ECH1: variants seen among roughly 807,000 people sequenced by gnomAD.
ECH1 encodes delta(3,5)-Delta(2,4)-dienoyl-CoA isomerase, mitochondrial.
A neutral mutation model predicts 37.0 loss-of-function variants in ECH1; 30 were observed. The observed-to-expected ratio is 0.81, with a 90% CI of 0.61 to 1.10. The LOEUF (loss-of-function observed/expected upper bound fraction) is 1.10. Ranked by LOEUF, ECH1 falls within the 50% of genes least tolerant of loss-of-function variation. The pLI, the probability that ECH1 is intolerant of heterozygous loss-of-function variation, is 0.00. For synonymous variants in ECH1, 178 were observed against 176.0 expected (o/e 1.01, Z -0.09); for missense variants, 456 against 441.6 (o/e 1.03, Z -0.29).
At chr19:38,816,844 G>A in intron 6 of ECH1, 2 of 645,188 alleles carry the variant, frequency 3.1e-6, no homozygotes, top group African/African-American at 1.8e-5. Context: ...ACCCTCACCA[G>A]TATGGCCCCA....
At chr19:38,828,707 C>T (rs942245956) in intron 3 of ECH1, among the ~76,000 whole-genome samples, 8 of 152,172 alleles carry the variant, frequency 5.3e-5, no homozygotes, top group South Asian at 2.1e-4. Context: ...CCTCTGCCTC[C>T]CAGGTTCACG....
At chr19:38,820,338 G>A (rs1170510257) in intron 3 of ECH1, 1 of 152,154 alleles carries the variant, frequency 6.6e-6, no homozygotes, top group Non-Finnish European at 1.5e-5. Flanking sequence ...GGGATTACAG[G>A]TGTGAGCCAC....
chr19:38,827,954 T>C (rs1205373779), intron 3 of ECH1, among the ~76,000 whole-genome samples: 3 of 152,148 alleles, frequency 2.0e-5, no homozygotes, highest in Non-Finnish European at 4.4e-5. Context: ...TTCACGCTTG[T>C]AGTCCCAGCA....
At chr19:38,819,849 G>A (rs1053256963) in intron 3 of ECH1, among the ~76,000 whole-genome samples, 14 of 151,962 alleles carry the variant, frequency 9.2e-5, no homozygotes, top group Admixed American at 4.6e-4. Flanking sequence ...CACTTTCGGA[G>A]GCTGAGGTGG....
Position 38,831,356 on chromosome 19 carries a change from C to T in ECH1, c.213G>A (p.Gln71=), listed in dbSNP as rs775929597. Residue 71 remains glutamine, a synonymous_variant, in exon 2 of 10, where the codon CAG becomes CAA. Coordinates refer to ENST00000221418, the MANE Select transcript of ECH1 (RefSeq NM_001398.3). ...CATTCCTCTTGTTGGGCCGGTTGAG[C>T]TGGACATGCAGAACATGTTTCTGCG... is the stretch of plus-strand genomic sequence containing the variant. ...TSAQKHVLHV[Q]LNRPNKRNAM... is the part of the protein sequence containing the mutation. 5 of 1,613,564 alleles carry T rather than the reference C, an allele frequency of 3.1e-6. No homozygotes were observed. The highest frequency in any genetic ancestry group is 1.3e-5 in the African/African-American group (1 of 74,908).
chr19:38,820,053 C>CA, intron 3 of ECH1: 6 of 138,068 alleles, frequency 4.3e-5, no homozygotes, highest in South Asian at 3.7e-4. Context: ...GTCCCCCTTA[C>CA]TTTTTTTTTT....
At chr19:38,823,146 ACT>A (rs1971689697) in intron 3 of ECH1, 1 of 154,410 alleles carries the variant, frequency 6.5e-6, no homozygotes, top group Admixed American at 6.5e-5. Context: ...GAAGGAAGAA[ACT>A]CTGAACACAC....
At chr19:38,818,211 T>C in intron 3 of ECH1, 1 of 985,228 alleles carries the variant, frequency 1.0e-6, no homozygotes, top group African/African-American at 1.7e-5. Flanking sequence ...AGGCCATGCT[T>C]TTCCCCAAGA....
chr19:38,817,687 GA>G lies in ECH1; in HGVS notation c.350-113del, dbSNP rs1971600958. On this transcript the variant is annotated intron_variant, in intron 3 of 9. Coordinates refer to ENST00000221418, the MANE Select transcript of ECH1 (RefSeq NM_001398.3). The stretch of plus-strand genomic sequence containing the variant: ...TTCGAACCCCCAAACCACCAAGGCG[GA>G]AAAAAAACAACTCACACAGGACTTG... The G allele has an allele frequency of 9.1e-6, 13 of 1,421,304 alleles. No homozygotes were observed. In the Admixed American group the frequency reaches 1.8e-4, roughly 19 times the overall value. The allele number at this position is 1,421,304 out of a possible 1,614,324, so 88.0% of individuals were successfully genotyped here. A position where few individuals can be genotyped will look rare whatever the true frequency, so the allele number is the denominator to read the frequency against.
intron 3 of ECH1, chr19:38,820,095 C>T: frequency 1.9e-6 from 1 of 534,610 alleles, no homozygotes; most frequent in Non-Finnish European, 2.3e-6. Flanking sequence ...TAGTCTCACT[C>T]TATCGCCCAG....
chr19:38,816,138 G>A, intron 8 of ECH1, 131 bp from the exon 9 acceptor site: 1 of 1,474,528 alleles, frequency 6.8e-7, no homozygotes, highest in Middle Eastern at 2.5e-4. Flanking sequence ...CAGAGCAGGG[G>A]GCTGACCCCA....
At chr19:38,818,932 T>TGTGCGCGCGC (rs144733422) in intron 3 of ECH1, among the ~76,000 whole-genome samples, 1 of 142,752 alleles carries the variant, frequency 7.0e-6, no homozygotes. Context: ...TGTGTGTGTG[T>TGTGCGCGCGC]GCACTGTTCC....
chr19:38,831,248 C>A, intron 2 of ECH1, 61 bp downstream of exon 2: 1 of 1,609,378 alleles, frequency 6.2e-7, no homozygotes. Context: ...GTTCCACTTT[C>A]ACCCAGTCCC....
At chr19:38,823,141 A>G (rs60637521) in intron 3 of ECH1, 17,628 of 154,442 alleles carry the variant, frequency 0.11, 1,082 homozygotes, top group South Asian at 0.2. Context: ...CACCAGAAGG[A>G]AGAAACTCTG....
chr19:38,826,002 G>A (rs749717765), intron 3 of ECH1, among the ~76,000 whole-genome samples: 27 of 152,142 alleles, frequency 1.8e-4, no homozygotes, highest in Non-Finnish European at 2.4e-4. Context: ...ACACTGGCGC[G>A]GCCTTCTCAG....
chr19:38,815,587 G>T lies in ECH1; in HGVS notation c.*26C>A. Reference sequence around the variant, plus strand: ...TGAGGCGGGACAAGGCCGGCCCCCTGGCTGGGGCCTGGGACGCGAGGGCTC... The same window carrying T: ...TGAGGCGGGACAAGGCCGGCCCCCTTGCTGGGGCCTGGGACGCGAGGGCTC... On this transcript the variant is annotated 3_prime_UTR_variant, in exon 10 of 10. Transcript: ENST00000221418. The T allele has an allele frequency of 6.2e-7, 1 of 1,608,884 alleles. No individual in the cohort carries two copies. Among genetic ancestry groups the T allele is most frequent in the Non-Finnish European group, 8.5e-7 (1 of 1,175,520 alleles).
intron 3 of ECH1, among the ~76,000 whole-genome samples, chr19:38,823,742 C>T (rs376306825): frequency 1.8e-4 from 27 of 152,338 alleles, no homozygotes; most frequent in Non-Finnish European, 2.6e-4. Flanking sequence ...GTCGCCCAAG[C>T]GAGACTCGCC....
chr19:38,818,638 C>A (rs960263231), intron 3 of ECH1, among the ~76,000 whole-genome samples: 1 of 152,172 alleles, frequency 6.6e-6, no homozygotes, highest in Non-Finnish European at 1.5e-5. Context: ...CAGGCGCCCA[C>A]CACCATGCCC....
Position 38,830,869 on chromosome 19 carries a change from T to C in ECH1, c.349+209A>G, listed in dbSNP as rs1041999315. On this transcript the variant is annotated intron_variant, in intron 3 of 9. Coordinates refer to ENST00000221418, the MANE Select transcript of ECH1 (RefSeq NM_001398.3). Reference sequence around the variant, plus strand: ...ACGCCTGTAGTCCCAGACAGAAGAATTGCTTGAACCCGGGAGGTGGAGGTT... The same window carrying C: ...ACGCCTGTAGTCCCAGACAGAAGAACTGCTTGAACCCGGGAGGTGGAGGTT... The C allele has an allele frequency of 1.7e-4, 98 of 571,508 alleles. 1 individual carries two copies. The highest frequency in any genetic ancestry group is 9.1e-4 in the African/African-American group (48 of 52,974). The allele number at this position is 571,508 out of a possible 1,614,324, so 35.4% of individuals were successfully genotyped here. A position where few individuals can be genotyped will look rare whatever the true frequency, so the allele number is the denominator to read the frequency against.
Sources: allele counts gnomAD v4.1 joint callset (sites outside exome capture counted in the v4.1 genomes callset), GRCh38; gene constraint gnomAD v4.1.1; transcripts MANE v1.5; gene names NCBI Gene and HGNC (gene_info 2026-07-23, HGNC 2026-07-21).